The following ATP1B1 variants were observed in gnomAD, a reference collection of about 807,000 sequenced individuals.
The protein encoded by ATP1B1 is sodium/potassium-transporting ATPase subunit beta-1.
In ATP1B1, 3 loss-of-function variants were observed where a neutral mutation model predicts 39.6. The ratio of observed to expected loss-of-function variants is 0.08; its 90% CI spans 0.03 to 0.20. The LOEUF (loss-of-function observed/expected upper bound fraction) is 0.20, where lower values mean the gene tolerates loss of function less well. Ranked by LOEUF, ATP1B1 falls within the 10% of genes least tolerant of loss-of-function variation. The probability of loss-of-function intolerance (pLI) is 1.00; values close to 1 mark genes in which losing one functional copy is unlikely to be tolerated. For synonymous variants in ATP1B1, 139 were observed against 135.0 expected (o/e 1.03, Z -0.20); for missense variants, 216 against 371.1 (o/e 0.58, Z 3.43).
chr1:169,110,744 T>A (rs1657711943), intron 1 of ATP1B1: 8 of 1,183,922 alleles, frequency 6.8e-6, no homozygotes, highest in Non-Finnish European at 8.9e-6. Flanking sequence ...TTTTTTCCCC[T>A]TGTCTTGTCC....
chr1:169,129,043 ACTT>A (rs1658147477), intron 4 of ATP1B1, among the ~76,000 whole-genome samples: 1 of 152,282 alleles, frequency 6.6e-6, no homozygotes, highest in South Asian at 2.1e-4. Flanking sequence ...GATTCTGGCA[ACTT>A]CTTAGTGAGC....
intron 2 of ATP1B1, among the ~76,000 whole-genome samples, chr1:169,121,046 C>T (rs972398856): frequency 6.0e-5 from 9 of 150,446 alleles, no homozygotes; most frequent in Non-Finnish European, 1.0e-4. Flanking sequence ...CTCTTGGGCT[C>T]AAGCGATTCT....
intron 2 of ATP1B1, among the ~76,000 whole-genome samples, chr1:169,115,742 T>G (rs889363458): frequency 2.0e-5 from 3 of 152,256 alleles, no homozygotes; most frequent in African/African-American, 7.2e-5. Flanking sequence ...CTTTGCACAC[T>G]TAGATTTTCA....
chr1:169,113,860 T>C (rs1657778097), intron 2 of ATP1B1, among the ~76,000 whole-genome samples: 1 of 152,224 alleles, frequency 6.6e-6, no homozygotes, highest in Non-Finnish European at 1.5e-5. Flanking sequence ...TCCTTGTTCT[T>C]TGGCCTGGTA....
intron 1 of ATP1B1, among the ~76,000 whole-genome samples, chr1:169,109,816 T>C (rs1657689379): frequency 6.6e-6 from 1 of 152,072 alleles, no homozygotes; most frequent in South Asian, 2.1e-4. Flanking sequence ...AGGGCTACGA[T>C]AGCTGCCTTG....
intron 1 of ATP1B1, among the ~76,000 whole-genome samples, chr1:169,109,419 C>T (rs1657680568): frequency 6.6e-6 from 1 of 151,962 alleles, no homozygotes; most frequent in Non-Finnish European, 1.5e-5. Flanking sequence ...TCTGAGTGAG[C>T]CACTGCATAG....
At chr1:169,117,742 C>T (rs1657882311) in intron 2 of ATP1B1, among the ~76,000 whole-genome samples, 1 of 152,204 alleles carries the variant, frequency 6.6e-6, no homozygotes, top group East Asian at 1.9e-4. Context: ...TTGGTCAGTG[C>T]TCTCATGCTA....
chr1:169,127,547 A>C, intron 4 of ATP1B1, 139 bp downstream of exon 4: 1 of 842,760 alleles, frequency 1.2e-6, no homozygotes. Flanking sequence ...TAACACCAAA[A>C]ACTTCTGTAT....
intron 4 of ATP1B1, 95 bp downstream of exon 4, chr1:169,127,503 A>C: frequency 7.4e-7 from 1 of 1,354,330 alleles, no homozygotes; most frequent in East Asian, 2.6e-5. Context: ...TTTAAAGTAT[A>C]CTCAGTGCTG....
intron 1 of ATP1B1, chr1:169,110,730 T>C (rs1657711458): frequency 4.0e-6 from 5 of 1,252,470 alleles, no homozygotes; most frequent in Non-Finnish European, 5.2e-6. Context: ...CTATAGAATT[T>C]TCTTTTTTTC....
chr1:169,123,956 T>C (rs1204380369), intron 2 of ATP1B1, among the ~76,000 whole-genome samples: 2 of 152,216 alleles, frequency 1.3e-5, no homozygotes, highest in African/African-American at 2.4e-5. Flanking sequence ...TAAATGTAAG[T>C]GTGTCCCACA....
chr1:169,129,661 C>A (rs1658163911), intron 4 of ATP1B1, among the ~76,000 whole-genome samples: 1 of 152,224 alleles, frequency 6.6e-6, no homozygotes, highest in South Asian at 2.1e-4. Context: ...CTCATGTAAT[C>A]TAATCTTAGC....
intron 1 of ATP1B1, among the ~76,000 whole-genome samples, chr1:169,110,966 C>G (rs1479154898): frequency 1.3e-5 from 2 of 152,156 alleles, no homozygotes; most frequent in Admixed American, 1.3e-4. Context: ...AAACATAGGT[C>G]TCTAAGGGAG....
At chr1:169,107,024 G>T in intron 1 of ATP1B1, 98 bp downstream of exon 1, 3 of 1,208,440 alleles carry the variant, frequency 2.5e-6, no homozygotes, top group Non-Finnish European at 3.4e-6. Flanking sequence ...CACCCACCGC[G>T]CTGGCCGGGG....
chr1:169,125,083 C>CT, intron 3 of ATP1B1, 44 bp downstream of exon 3: 2 of 1,539,390 alleles, frequency 1.3e-6, no homozygotes, highest in Non-Finnish European at 1.7e-6. Flanking sequence ...TTTTCTTTCT[C>CT]TTTAACTCTT....
At chr1:169,127,842 G>A (rs959161259) in intron 4 of ATP1B1, among the ~76,000 whole-genome samples, 8 of 151,832 alleles carry the variant, frequency 5.3e-5, no homozygotes, top group Non-Finnish European at 1.2e-4. Flanking sequence ...TGCATGTATA[G>A]TCCAGTTTTG....
intron 1 of ATP1B1, among the ~76,000 whole-genome samples, chr1:169,109,146 A>G (rs1444231801): frequency 6.6e-6 from 1 of 152,198 alleles, no homozygotes; most frequent in Non-Finnish European, 1.5e-5. Context: ...TTATTAGGTT[A>G]ATACAGACAT....
rs780168049 is a variant in ATP1B1 at position 169,111,476 on chromosome 1, T to C, written c.204T>C (p.Tyr68=). 23 of 1,614,178 alleles carry C rather than the reference T, an allele frequency of 1.4e-5. No individual in the cohort carries two copies. The highest frequency in any genetic ancestry group is 1.7e-5 in the Non-Finnish European group (20 of 1,180,004). Residue 68 remains tyrosine, a synonymous_variant, in exon 2 of 6, where the codon TAT becomes TAC. Transcript: ENST00000367815. ...CCATCAGTGAATTTAAGCCCACATA[T>C]CAGGACCGAGTGGCCCCGCCAGGTA... is the stretch of plus-strand genomic sequence containing the variant. The part of the protein sequence containing the change: ...LLTISEFKPT[Y]QDRVAPPGLT...
intron 2 of ATP1B1, among the ~76,000 whole-genome samples, chr1:169,116,796 A>C (rs1657856662): frequency 6.6e-6 from 1 of 151,966 alleles, no homozygotes; most frequent in African/African-American, 2.4e-5. Flanking sequence ...CGTTGCAGTG[A>C]GCCAAGATCG....
Sources: allele counts gnomAD v4.1 joint callset (sites outside exome capture counted in the v4.1 genomes callset), GRCh38; gene constraint gnomAD v4.1.1; transcripts MANE v1.5; gene names NCBI Gene and HGNC (gene_info 2026-07-23, HGNC 2026-07-21).